Variants in SORBS2 observed in about 807,000 individuals in gnomAD.
SORBS2 encodes the protein sorbin and SH3 domain containing 2.
SORBS2 carries 46 observed loss-of-function variants against 97.7 expected under a neutral mutation model. The ratio of observed to expected loss-of-function variants is 0.47; its 90% CI spans 0.37 to 0.60. The LOEUF (loss-of-function observed/expected upper bound fraction) is 0.60. Ranked by LOEUF, SORBS2 falls within the 20% of genes least tolerant of loss-of-function variation. The pLI, the probability that SORBS2 is intolerant of heterozygous loss-of-function variation, is 0.00. For synonymous variants in SORBS2, 476 were observed against 473.4 expected (o/e 1.01, Z -0.07); for missense variants, 1,316 against 1,282.3 (o/e 1.03, Z -0.40).
intron 1 of SORBS2, among the ~76,000 whole-genome samples, chr4:185,885,957 A>G (rs2099239199): frequency 6.6e-6 from 1 of 152,230 alleles, no homozygotes; most frequent in African/African-American, 2.4e-5. Context: ...TTGTCACCCT[A>G]TTTAAAAGTT....
chr4:185,587,421 T>C, exon 15 of SORBS2: 1 of 564,916 alleles, frequency 1.8e-6, no homozygotes, highest in South Asian at 2.2e-5. Flanking sequence ...GAATCCACAC[T>C]TTCACGGAGG....
chr4:185,678,174 C>A (rs192833133), intron 4 of SORBS2, among the ~76,000 whole-genome samples: 4 of 152,158 alleles, frequency 2.6e-5, no homozygotes, highest in Non-Finnish European at 5.9e-5. Flanking sequence ...AGAATATATC[C>A]TAGAGATTAT....
chr4:185,607,031 C>G lies in SORBS2; in HGVS notation c.2796+4749G>C. ...TGGGCTGCAGCCGAGGCCACACCCGCGTGAGTGGAAGGTGATTCGGCAGGT... is the reference window on the plus strand; with the variant it reads ...TGGGCTGCAGCCGAGGCCACACCCGGGTGAGTGGAAGGTGATTCGGCAGGT... On this transcript the variant is annotated intron_variant, in intron 12 of 14. Transcript: ENST00000418609. The surrounding 1 kb of genome is among the most constrained non-coding windows in gnomAD (Gnocchi z 5.2). 5.9e-6 allele frequency: 6 copies of G among 1,020,818 alleles called. No homozygotes were observed. The highest frequency in any genetic ancestry group is 7.0e-6 in the Non-Finnish European group (6 of 851,090). 63.2% of individuals were successfully genotyped at this position (1,020,818 alleles called of 1,614,324 possible).
intron 1 of SORBS2, among the ~76,000 whole-genome samples, chr4:185,927,169 G>T (rs13126254): frequency 9.5e-5 from 14 of 147,854 alleles, no homozygotes; most frequent in Middle Eastern, 3.6e-3. Context: ...CATACATAAG[G>T]TATACATATT....
intron 1 of SORBS2, among the ~76,000 whole-genome samples, chr4:185,940,423 A>G (rs974778261): frequency 9.9e-5 from 15 of 152,036 alleles, no homozygotes; most frequent in Non-Finnish European, 1.5e-4. Context: ...ACCATCATAC[A>G]TTGCAATCCT....
At chr4:185,789,452 A>C (rs914965815) in intron 1 of SORBS2, among the ~76,000 whole-genome samples, 31 of 151,562 alleles carry the variant, frequency 2.0e-4, no homozygotes, top group African/African-American at 6.5e-4. Context: ...AGTATAATTT[A>C]TGAAATAAAT....
At chr4:185,908,977 G>A (rs2099253298) in intron 1 of SORBS2, among the ~76,000 whole-genome samples, 1 of 151,160 alleles carries the variant, frequency 6.6e-6, no homozygotes, top group African/African-American at 2.4e-5. Context: ...CCCACTACTG[G>A]GTTTCTACCC....
intron 1 of SORBS2, among the ~76,000 whole-genome samples, chr4:185,799,996 G>A (rs1240863693): frequency 6.6e-6 from 1 of 152,096 alleles, no homozygotes; most frequent in African/African-American, 2.4e-5. Flanking sequence ...CCAGGAGTTC[G>A]AGACCAGCCT....
chr4:185,917,158 G>A (rs1260575572), intron 1 of SORBS2, among the ~76,000 whole-genome samples: 3 of 152,192 alleles, frequency 2.0e-5, no homozygotes, highest in Non-Finnish European at 4.4e-5. Flanking sequence ...GTGTGGCAGG[G>A]AAGGCACAGA....
chr4:185,930,852 AT>A (rs1486358031), intron 1 of SORBS2, among the ~76,000 whole-genome samples: 1 of 152,306 alleles, frequency 6.6e-6, no homozygotes, highest in Admixed American at 6.5e-5. Context: ...AATTCTGTGG[AT>A]TTTTACTTCT....
At chr4:185,647,464 G>A (rs1034381797) in intron 3 of SORBS2, among the ~76,000 whole-genome samples, 4 of 148,976 alleles carry the variant, frequency 2.7e-5, no homozygotes, top group Non-Finnish European at 4.4e-5. Context: ...CCAGGCTGGA[G>A]TGCAGTGGTG....
At chr4:185,698,880 A>G (rs1308996435) in intron 2 of SORBS2, among the ~76,000 whole-genome samples, 1 of 151,816 alleles carries the variant, frequency 6.6e-6, no homozygotes, top group African/African-American at 2.4e-5. Flanking sequence ...TTTTTTTCTG[A>G]AATCCTTAGA....
chr4:185,686,406 A>G (rs2097960035), intron 2 of SORBS2, among the ~76,000 whole-genome samples: 1 of 152,226 alleles, frequency 6.6e-6, no homozygotes, highest in African/African-American at 2.4e-5. Context: ...GAAAATCATT[A>G]AACCAGAAAA....
intron 1 of SORBS2, among the ~76,000 whole-genome samples, chr4:185,935,576 G>A (rs922662036): frequency 6.6e-6 from 1 of 152,198 alleles, no homozygotes; most frequent in African/African-American, 2.4e-5. Context: ...TTTACCATGA[G>A]TAGCCATTGT....
rs531570164 is a variant in SORBS2 at position 185,790,585 on chromosome 4, T to C, written c.-337-15219A>G. 4.6e-5 allele frequency among the ~76,000 whole-genome samples: 7 copies of C among 152,288 alleles called. No homozygotes were observed. The South Asian group carries it at 1.4e-3, about 32-fold the overall frequency. On this transcript the variant is annotated intron_variant, in intron 1 of 20. Coordinates refer to the SORBS2 transcript ENST00000284776. ...TTTTCACATTAAAAGAGCCAAGAAA[T>C]CTATGAACTCATATTTTACTCAATT...
exon 15 of SORBS2, chr4:185,585,940 T>G (rs2095796687): frequency 6.6e-6 from 1 of 152,466 alleles, no homozygotes; most frequent in Non-Finnish European, 1.5e-5. Flanking sequence ...TCATAGATTT[T>G]TGCATAAATG....
At chr4:185,829,967 T>A (rs2099204245) in intron 1 of SORBS2, among the ~76,000 whole-genome samples, 1 of 152,166 alleles carries the variant, frequency 6.6e-6, no homozygotes, top group African/African-American at 2.4e-5. Flanking sequence ...ATGGGAAGGA[T>A]ACCTAACACT....
At chr4:185,616,263 T>C (rs908157964) in intron 9 of SORBS2, among the ~76,000 whole-genome samples, 38 of 152,348 alleles carry the variant, frequency 2.5e-4, no homozygotes, top group African/African-American at 7.5e-4. Context: ...ACACTTCTCA[T>C]TGATTAAAAG....
chr4:185,903,034 T>A (rs1164503486), intron 1 of SORBS2, among the ~76,000 whole-genome samples: 1 of 152,132 alleles, frequency 6.6e-6, no homozygotes, highest in Non-Finnish European at 1.5e-5. Flanking sequence ...TTCCATGGGG[T>A]GCTGTGAGTA....
Sources: allele counts gnomAD v4.1 joint callset (sites outside exome capture counted in the v4.1 genomes callset), GRCh38; gene constraint gnomAD v4.1.1; non-coding constraint Gnocchi (gnomAD v3.1); transcripts MANE v1.5; gene names NCBI Gene and HGNC (gene_info 2026-07-23, HGNC 2026-07-21).